Variants in PITPNC1 observed in about 807,000 individuals in gnomAD.
The protein encoded by PITPNC1 is phosphatidylinositol transfer protein cytoplasmic 1.
In PITPNC1, 18 loss-of-function variants were observed where a neutral mutation model predicts 44.7. The observed-to-expected ratio is 0.40, with a 90% confidence interval of 0.28 to 0.60. The LOEUF is 0.60. PITPNC1 is among the 20% of genes least tolerant of loss of function. The pLI, the probability that PITPNC1 is intolerant of heterozygous loss-of-function variation, is 0.39. For synonymous variants in PITPNC1, 141 were observed against 149.6 expected, an observed-to-expected ratio of 0.94 and a Z score of 0.42; for missense variants, 290 against 418.4, an observed-to-expected ratio of 0.69 and a Z score of 2.68.
chr17:67,621,920 G>A (rs751048665), intron 5 of PITPNC1, among the ~76,000 whole-genome samples: 2 of 152,002 alleles, frequency 1.3e-5, no homozygotes, highest in Non-Finnish European at 2.9e-5. Flanking sequence ...AGTTTGAGAC[G>A]CACCTGGGCA....
chr17:67,405,609 CTTT>C (rs748815813), intron 1 of PITPNC1, among the ~76,000 whole-genome samples: 5 of 141,970 alleles, frequency 3.5e-5, no homozygotes, highest in Non-Finnish European at 4.6e-5. Context: ...TTCTTTCTTT[CTTT>C]TTTTTTTTTT....
chr17:67,594,177 C>T (rs550768173), intron 5 of PITPNC1, among the ~76,000 whole-genome samples: 8 of 152,182 alleles, frequency 5.3e-5, no homozygotes, highest in African/African-American at 1.2e-4. Context: ...CAAGTGATAA[C>T]GGGACTTCGC....
chr17:67,692,848 T>G lies in PITPNC1; in HGVS notation c.959T>G (p.Met320Arg). ...EKKATLNLPGMHSSDKPCRPK... is the reference protein window; with the variant it reads ...EKKATLNLPGRHSSDKPCRPK... ...AAAGCCACCCTGAATTTACCCGGCA[T>G]GCACTCTTCAGATAAGCCATGTCGG... The change falls in exon 9 of 9, where the codon ATG becomes AGG. Residue 320 changes from methionine to arginine, a missense_variant. Transcript: ENST00000581322. The G allele has an allele frequency of 1.2e-6, 2 of 1,613,634 alleles. No individual in the cohort carries two copies. Among genetic ancestry groups the G allele is most frequent in the Non-Finnish European group, 8.5e-7 (1 of 1,179,564 alleles).
chr17:67,443,030 A>G (rs938847665), intron 1 of PITPNC1, among the ~76,000 whole-genome samples: 6 of 151,948 alleles, frequency 3.9e-5, no homozygotes, highest in Non-Finnish European at 8.8e-5. Flanking sequence ...TACCTTCCTA[A>G]CAGACGACCA....
intron 5 of PITPNC1, among the ~76,000 whole-genome samples, chr17:67,618,131 C>T (rs1055454884): frequency 6.6e-6 from 1 of 151,934 alleles, no homozygotes; most frequent in Non-Finnish European, 1.5e-5. Context: ...GAGACCAAGG[C>T]GGGGGGTGGA....
At chr17:67,385,549 T>C (rs2038031978) in intron 1 of PITPNC1, among the ~76,000 whole-genome samples, 1 of 149,104 alleles carries the variant, frequency 6.7e-6, no homozygotes, top group African/African-American at 2.5e-5. Flanking sequence ...TTCACTCTTT[T>C]GCTGTTCACA....
intron 1 of PITPNC1, among the ~76,000 whole-genome samples, chr17:67,530,851 TC>T (rs1369374440): frequency 2.0e-5 from 3 of 152,170 alleles, no homozygotes; most frequent in Non-Finnish European, 1.5e-5. Context: ...CTTATTGTCT[TC>T]CTCCTTGAAA....
chr17:67,499,513 G>T (rs186789187), intron 1 of PITPNC1, among the ~76,000 whole-genome samples: 2 of 152,120 alleles, frequency 1.3e-5, no homozygotes, highest in Non-Finnish European at 2.9e-5. Context: ...CACTGTGCCC[G>T]GCCAGCCTGA....
chr17:67,472,684 CATA>C (rs975737090), intron 1 of PITPNC1, among the ~76,000 whole-genome samples: 7 of 150,792 alleles, frequency 4.6e-5, no homozygotes, highest in Non-Finnish European at 7.4e-5. Context: ...GCATAAATAT[CATA>C]ATGTTTTAAG....
At chr17:67,685,331 A>T (rs2042792804) in intron 8 of PITPNC1, among the ~76,000 whole-genome samples, 1 of 152,230 alleles carries the variant, frequency 6.6e-6, no homozygotes, top group South Asian at 2.1e-4. Context: ...GAGGATCTCC[A>T]GGTATACCTG....
chr17:67,670,841 CT>C (rs1182949728), intron 7 of PITPNC1, among the ~76,000 whole-genome samples: 1 of 151,262 alleles, frequency 6.6e-6, no homozygotes, highest in East Asian at 1.9e-4. Context: ...AATTGTAAAC[CT>C]ACTTTGGCTA....
intron 6 of PITPNC1, among the ~76,000 whole-genome samples, chr17:67,634,375 G>A (rs1332172516): frequency 6.6e-6 from 1 of 151,946 alleles, no homozygotes; most frequent in African/African-American, 2.4e-5. Flanking sequence ...TCAGGAGTTC[G>A]AGACCAGCCT....
intron 2 of PITPNC1, among the ~76,000 whole-genome samples, chr17:67,549,508 A>G (rs905146673): frequency 6.6e-6 from 1 of 152,220 alleles, no homozygotes; most frequent in Admixed American, 6.5e-5. Context: ...TGAAACAGCT[A>G]AAATAGATTC....
intron 1 of PITPNC1, among the ~76,000 whole-genome samples, chr17:67,380,345 G>A (rs1035081332): frequency 2.6e-5 from 4 of 152,142 alleles, no homozygotes; most frequent in African/African-American, 9.7e-5. Context: ...AAAGTGCTGG[G>A]ATTACAGGCA....
At chr17:67,451,900 TGCTGGGATTACA>T (rs1425448691) in intron 1 of PITPNC1, among the ~76,000 whole-genome samples, 1 of 152,034 alleles carries the variant, frequency 6.6e-6, no homozygotes, top group Non-Finnish European at 1.5e-5. Flanking sequence ...CCTCCCAAAG[TGCTGGGATTACA>T]GGCCTGAGCC....
At chr17:67,383,694 C>T (rs1439636610) in intron 1 of PITPNC1, among the ~76,000 whole-genome samples, 1 of 152,184 alleles carries the variant, frequency 6.6e-6, no homozygotes, top group African/African-American at 2.4e-5. Context: ...TAAGCACATC[C>T]TAATATTATC....
chr17:67,663,465 A>G (rs899724649), intron 6 of PITPNC1, among the ~76,000 whole-genome samples: 1 of 151,934 alleles, frequency 6.6e-6, no homozygotes, highest in African/African-American at 2.4e-5. Flanking sequence ...AGCTACTCGG[A>G]AGGCTAAGGC....
chr17:67,667,604 C>T (rs939449008), intron 6 of PITPNC1, among the ~76,000 whole-genome samples: 1 of 149,480 alleles, frequency 6.7e-6, no homozygotes, highest in Non-Finnish European at 1.5e-5. Context: ...AAATAATCTT[C>T]TAATGAAATA....
At chr17:67,452,715 A>T (rs79276696) in intron 1 of PITPNC1, among the ~76,000 whole-genome samples, 5,257 of 151,748 alleles carry the variant, frequency 0.035, 305 homozygotes, top group African/African-American at 0.12. Context: ...ATGGTCACGA[A>T]CTCCTCATGA....
Sources: gnomAD v4.1 joint callset for allele counts (sites outside exome capture counted in the v4.1 genomes callset) on GRCh38, gnomAD v4.1.1 for gene constraint, MANE v1.5 for transcripts, NCBI Gene and HGNC (gene_info 2026-07-23, HGNC 2026-07-21) for gene names.